The following NEURL1B variants were observed in gnomAD, a reference collection of about 807,000 sequenced individuals.
NEURL1B encodes the protein E3 ubiquitin-protein ligase NEURL1B.
NEURL1B carries 13 observed loss-of-function variants against 37.4 expected under a neutral mutation model. That is an observed-to-expected ratio of 0.35 (90% CI 0.23 to 0.55). The LOEUF (loss-of-function observed/expected upper bound fraction) is 0.55, where lower values mean the gene tolerates loss of function less well. Among genes scored for constraint, NEURL1B ranks in the 20% least tolerant of loss-of-function variants. The pLI, the probability that NEURL1B is intolerant of heterozygous loss-of-function variation, is 0.89. For synonymous variants in NEURL1B, 432 were observed against 426.6 expected (o/e 1.01, Z -0.16); for missense variants, 790 against 879.2 (o/e 0.90, Z 1.28).
intron 1 of NEURL1B, among the ~76,000 whole-genome samples, chr5:172,667,092 C>T (rs974483434): frequency 1.3e-5 from 2 of 151,836 alleles, no homozygotes; most frequent in Non-Finnish European, 2.9e-5. Flanking sequence ...ACTGGTATCT[C>T]CCTACCCTGT....
In NEURL1B at chr5:172,683,798, C is replaced by G. The variant is rs561348105; in HGVS notation, c.957C>G (p.Pro319=). The G allele has an allele frequency of 3.5e-5, 45 of 1,297,818 alleles. No individual in the cohort carries two copies. In the South Asian group the frequency reaches 6.7e-4, roughly 19 times the overall value. 80.4% of individuals were successfully genotyped at this position (1,297,818 alleles called of 1,614,324 possible). ...TLVFSERPLR[P]GESLFVEVGR... is the part of the protein sequence containing the mutation. Reference sequence around the variant, plus strand: ...TCTTCTCCGAGCGCCCGCTGCGGCCCGGCGAGAGCCTCTTCGTGGAGGTGG... The same window carrying G: ...TCTTCTCCGAGCGCCCGCTGCGGCCGGGCGAGAGCCTCTTCGTGGAGGTGG... The change falls in exon 3 of 5, where the codon CCC becomes CCG. Residue 319 remains proline, a synonymous_variant. Transcript: ENST00000369800. The surrounding 1 kb of genome is among the most constrained non-coding windows in gnomAD (Gnocchi z 5.6).
intron 1 of NEURL1B, among the ~76,000 whole-genome samples, chr5:172,660,316 C>T (rs544003730): frequency 1.3e-5 from 2 of 152,222 alleles, no homozygotes; most frequent in African/African-American, 4.8e-5. Context: ...ATGACCTCAC[C>T]CCCTGGGAAC....
rs55663413 is a variant in NEURL1B at position 172,667,275 on chromosome 5, TA to T, written c.32-2489del. Among the ~76,000 whole-genome samples the T allele has an allele frequency of 4.2e-3, 305 of 72,276 alleles. 12 individuals are homozygous for T. The highest frequency in any genetic ancestry group is 0.02 in the African/African-American group (249 of 12,414). The allele number at this position is 72,276 out of a possible 152,430, so 47.4% of individuals were successfully genotyped here. On this transcript the variant is annotated intron_variant, in intron 1 of 4. Coordinates refer to ENST00000369800, the MANE Select transcript of NEURL1B (RefSeq NM_001142651.3). ...CAACATGGTGAAACCCTGTCTCTAC[TA>T]AAAAAAAAAAAAAAAAAAAATTAGC...
chr5:172,659,927 A>G (rs757932777), intron 1 of NEURL1B, among the ~76,000 whole-genome samples: 42 of 152,212 alleles, frequency 2.8e-4, no homozygotes, highest in Middle Eastern at 3.4e-3. Flanking sequence ...CCACTGCCCC[A>G]GCCCTCCCTG....
At chr5:172,648,203 T>G (rs868037231) in intron 1 of NEURL1B, among the ~76,000 whole-genome samples, 22 of 152,200 alleles carry the variant, frequency 1.4e-4, no homozygotes, top group African/African-American at 5.1e-4. Context: ...AGCCTTGGTT[T>G]CCTCTTCTAC....
rs187753128 is a variant in NEURL1B, at chr5:172,658,487, C to A, written c.32-11298C>A. Among the ~76,000 whole-genome samples the A allele has an allele frequency of 1.6e-4, 24 of 152,296 alleles. No homozygotes were observed. In the East Asian group the frequency reaches 3.1e-3, roughly 20 times the overall value. On this transcript the variant is annotated intron_variant, in intron 1 of 4. Transcript: ENST00000369800. ...TGCATCTCCAGAGAAGGACGAGACA[C>A]GCATCAGAGTCACTTCCTGGGGGGC...
At chr5:172,653,810 A>G (rs1463429663) in intron 1 of NEURL1B, among the ~76,000 whole-genome samples, 4 of 152,242 alleles carry the variant, frequency 2.6e-5, no homozygotes, top group African/African-American at 7.2e-5. Flanking sequence ...TTTAAATTAT[A>G]CAACATTTCT....
chr5:172,681,119 G>C (rs999365939), intron 2 of NEURL1B, among the ~76,000 whole-genome samples: 1 of 152,108 alleles, frequency 6.6e-6, no homozygotes, highest in African/African-American at 2.4e-5. Context: ...ACCAGATCTC[G>C]TGAGAACTCG....
At chr5:172,654,121 C>A (rs1348954401) in intron 1 of NEURL1B, among the ~76,000 whole-genome samples, 3 of 152,130 alleles carry the variant, frequency 2.0e-5, no homozygotes, top group African/African-American at 7.2e-5. Context: ...TAACTTTTAG[C>A]AAATTTTACT....
chr5:172,665,113 T>A lies in NEURL1B; in HGVS notation c.32-4672T>A, dbSNP rs1290625978. 6.6e-6 allele frequency among the ~76,000 whole-genome samples: 1 copy of A among 152,274 alleles called. No individual in the cohort carries two copies. Among genetic ancestry groups the A allele is most frequent in the Middle Eastern group, 3.4e-3 (1 of 294 alleles). On this transcript the variant is annotated intron_variant, in intron 1 of 4. Transcript: ENST00000369800. This position sits in a 1 kb window ranked among gnomAD's most constrained non-coding sequence, Gnocchi z 4.1. ...AGATGAGGTCGGAAAACAACAGTGA[T>A]GGGGAGGGGAGATAAAAATAATCAA... is the stretch of plus-strand genomic sequence containing the variant.
chr5:172,682,549 C>T (rs1384955930), intron 2 of NEURL1B, among the ~76,000 whole-genome samples: 1 of 152,198 alleles, frequency 6.6e-6, no homozygotes, highest in Non-Finnish European at 1.5e-5. Flanking sequence ...GCACTCCAGC[C>T]TGGGTGACAA....
rs980250169 is a variant in NEURL1B at position 172,641,648 on chromosome 5, T to C, written c.31+211T>C. On this transcript the variant is annotated intron_variant, in intron 1 of 4. Coordinates refer to ENST00000369800, the MANE Select transcript of NEURL1B (RefSeq NM_001142651.3). This position sits in a 1 kb window ranked among gnomAD's most constrained non-coding sequence, Gnocchi z 6.4. ...GGGCGGGTACCGCGTCCTGGTTACC[T>C]TGGGGACCCCAGTCCTCATTCTCCC... Among the ~76,000 whole-genome samples, 2 of 151,980 alleles carry C rather than the reference T, an allele frequency of 1.3e-5. No homozygotes were observed. The highest frequency in any genetic ancestry group is 4.8e-5 in the African/African-American group (2 of 41,380).
chr5:172,686,885 G>A lies in NEURL1B; in HGVS notation c.1628G>A (p.Arg543Gln), dbSNP rs1395745746. 3.2e-6 allele frequency: 5 copies of A among 1,550,308 alleles called. No individual in the cohort carries two copies. Among genetic ancestry groups the A allele is most frequent in the Admixed American group, 2.0e-5 (1 of 50,994 alleles). ...GCCCGGGCCTGCTGCCCCATCTGCC[G>A]GCGGCCCATCAAGGACGTCATTAAG... ...RQARACCPIC[R>Q]RPIKDVIKIY... is the part of the protein sequence containing the mutation. Residue 543 changes from arginine to glutamine, a missense_variant, in exon 5 of 5, where the codon CGG becomes CAG. By Grantham distance (43) the Arg-to-Gln change is conservative. This residue lies in a region of NEURL1B where 115 missense variants were observed against 162.6 expected (regional missense o/e 0.71). Transcript: ENST00000369800. This position sits in a 1 kb window ranked among gnomAD's most constrained non-coding sequence, Gnocchi z 7.9.
chr5:172,650,417 A>G (rs1299500401), intron 1 of NEURL1B, among the ~76,000 whole-genome samples: 2 of 152,186 alleles, frequency 1.3e-5, no homozygotes, highest in Non-Finnish European at 2.9e-5. Flanking sequence ...CCCAGCTCCC[A>G]CGTGGCAGAT....
intron 2 of NEURL1B, among the ~76,000 whole-genome samples, chr5:172,673,054 G>A (rs6556042): frequency 0.21 from 31,543 of 152,054 alleles, 4,524 homozygotes; most frequent in African/African-American, 0.42. Context: ...GAGGAAAAGC[G>A]AGTTGTCATT....
rs566936232 is a variant in NEURL1B at position 172,655,731 on chromosome 5, T to G, written c.32-14054T>G. Among the ~76,000 whole-genome samples, 48 of 151,788 alleles carry G rather than the reference T, an allele frequency of 3.2e-4. 1 individual carries two copies. Among genetic ancestry groups the G allele is most frequent in the East Asian group, 2.1e-3 (11 of 5,180 alleles). On this transcript the variant is annotated intron_variant, in intron 1 of 4. Coordinates refer to ENST00000369800, the MANE Select transcript of NEURL1B (RefSeq NM_001142651.3). ...CTAGGTTGCTGGCCAGTGTTTGTTT[T>G]TTTTTTTTTTTCCCTCTGCATTGCT...
intron 2 of NEURL1B, among the ~76,000 whole-genome samples, chr5:172,672,549 C>CCCG (rs1554098436): frequency 2.7e-5 from 4 of 148,022 alleles, no homozygotes; most frequent in Admixed American, 6.7e-5. Flanking sequence ...CTCCCCCCCC[C>CCCG]ACTCTATTTC....
At chr5:172,646,346 G>A (rs771479494) in intron 1 of NEURL1B, among the ~76,000 whole-genome samples, 15 of 152,226 alleles carry the variant, frequency 9.9e-5, no homozygotes, top group Non-Finnish European at 1.6e-4. Context: ...TGCCCAGGAT[G>A]GTAGCCATCA....
rs1758098471 is a variant in NEURL1B at position 172,670,291 on chromosome 5, A to G, written c.538A>G (p.Ile180Val). ...VAVGGPLWALIDVYGITDEVQ... is the reference protein window; with the variant it reads ...VAVGGPLWALVDVYGITDEVQ... Reference sequence around the variant, plus strand: ...CGTGGGCGGCCCGCTCTGGGCGCTCATTGATGTCTACGGCATCACCGACGA... The same window carrying G: ...CGTGGGCGGCCCGCTCTGGGCGCTCGTTGATGTCTACGGCATCACCGACGA... Residue 180 changes from isoleucine to valine, a missense_variant, in exon 2 of 5, where the codon ATT becomes GTT. By Grantham distance (29) the Ile-to-Val change is conservative (BLOSUM62 3). Coordinates refer to ENST00000369800, the MANE Select transcript of NEURL1B (RefSeq NM_001142651.3). The G allele has an allele frequency of 7.2e-7, 1 of 1,383,434 alleles. No homozygotes were observed. The highest frequency in any genetic ancestry group is 9.3e-7 in the Non-Finnish European group (1 of 1,073,172). 85.7% of individuals were successfully genotyped at this position (1,383,434 alleles called of 1,614,324 possible).
Sources: gnomAD v4.1 joint callset for allele counts (sites outside exome capture counted in the v4.1 genomes callset) on GRCh38, gnomAD v4.1.1 for gene constraint, gnomAD v4.1.1 regional missense constraint, Gnocchi (gnomAD v3.1) non-coding constraint, MANE v1.5 for transcripts, NCBI Gene and HGNC (gene_info 2026-07-23, HGNC 2026-07-21) for gene names.